KIF5C: variants seen among roughly 807,000 people sequenced by gnomAD.
The protein encoded by KIF5C is kinesin heavy chain isoform 5C.
KIF5C carries 18 observed loss-of-function variants against 125.2 expected under a neutral mutation model. That is an observed-to-expected ratio of 0.14 (90% confidence interval 0.10 to 0.21). KIF5C has a LOEUF of 0.21. Among genes scored for constraint, KIF5C ranks in the 10% least tolerant of loss-of-function variants. The probability of loss-of-function intolerance (pLI) is 1.00; values close to 1 mark genes in which losing one functional copy is unlikely to be tolerated. For missense variants in KIF5C, 780 were observed against 1,183.8 expected (o/e 0.66, Z 5.01); for synonymous variants, 405 against 434.0 (o/e 0.93, Z 0.83).
intron 8 of KIF5C, chr2:148,947,519 C>T (rs1040289589): frequency 3.5e-5 from 7 of 202,066 alleles, no homozygotes; most frequent in Admixed American, 1.1e-4. Context: ...CATGGGCTGA[C>T]GGTGTCCCAT....
At chr2:148,966,546 T>C (rs1312442505) in intron 11 of KIF5C, among the ~76,000 whole-genome samples, 1 of 152,066 alleles carries the variant, frequency 6.6e-6, no homozygotes, top group Non-Finnish European at 1.5e-5. Context: ...TGCCCTGCCT[T>C]ATGTCATTCA....
chr2:149,000,876 T>C, intron 21 of KIF5C, 94 bp downstream of exon 21: 3 of 1,572,010 alleles, frequency 1.9e-6, no homozygotes, highest in Non-Finnish European at 2.6e-6. Flanking sequence ...CATGCACACC[T>C]TTCTGTGTAA....
Position 148,973,545 on chromosome 2 carries a change from CT to C in KIF5C, c.1293+35del. 3 of 1,566,580 alleles carry C rather than the reference CT, an allele frequency of 1.9e-6. No homozygotes were observed. In the South Asian group the frequency reaches 3.6e-5, roughly 19 times the overall value. ...CCAGAGATTCATAGTTCTCATTCTG[CT>C]ACAAAGATGAAAGATGGCAGGTCCC... On this transcript the variant is annotated intron_variant, in intron 12 of 25. Transcript: ENST00000435030.
chr2:149,016,058 G>T (rs1682347430), intron 25 of KIF5C, among the ~76,000 whole-genome samples: 2 of 152,366 alleles, frequency 1.3e-5, no homozygotes, highest in African/African-American at 4.8e-5. Context: ...CAACCTGGGA[G>T]AAAGTGGTTC....
chr2:148,875,575 G>GGCCCCCCCCCCCCCCCCCCCCCCCCC lies in KIF5C; in HGVS notation c.-43_-42insGCCCCCCCCCCCCCCCCCCCCCCCCC. ...TCCTCCCTCGTCGTTCCCGGCCCCGGCCCCCCACCCATCCCCGTGCCCCCT... is the reference window on the plus strand; with the variant it reads ...TCCTCCCTCGTCGTTCCCGGCCCCGGGCCCCCCCCCCCCCCCCCCCCCCCCCCCCCCCACCCATCCCCGTGCCCCCT... On this transcript the variant is annotated 5_prime_UTR_variant, in exon 1 of 26. Transcript: ENST00000435030. The GGCCCCCCCCCCCCCCCCCCCCCCCCC allele has an allele frequency of 1.1e-5, 8 of 699,606 alleles. No individual in the cohort carries two copies. Among genetic ancestry groups the GGCCCCCCCCCCCCCCCCCCCCCCCCC allele is most frequent in the East Asian group, 3.0e-5 (1 of 33,466 alleles). The allele number at this position is 699,606 out of a possible 1,614,324, so 43.3% of individuals were successfully genotyped here. A position where few individuals can be genotyped will look rare whatever the true frequency, so the allele number is the denominator to read the frequency against.
chr2:148,938,586 G>T (rs1682340095), intron 4 of KIF5C, among the ~76,000 whole-genome samples: 2 of 152,268 alleles, frequency 1.3e-5, no homozygotes, highest in Non-Finnish European at 2.9e-5. Flanking sequence ...GGGACTCATT[G>T]GCCCAGCCTA....
At chr2:148,982,618 C>T (rs943454661) in intron 14 of KIF5C, among the ~76,000 whole-genome samples, 2 of 152,182 alleles carry the variant, frequency 1.3e-5, no homozygotes, top group African/African-American at 4.8e-5. Context: ...ATTTTAAAAA[C>T]AAGATGACAT....
chr2:149,018,849 A>G (rs1244913740), intron 25 of KIF5C, among the ~76,000 whole-genome samples: 2 of 151,056 alleles, frequency 1.3e-5, no homozygotes, highest in Admixed American at 1.3e-4. Context: ...AACAAACAAA[A>G]AAGGATCAAT....
chr2:148,974,061 G>T (rs1037442887), intron 12 of KIF5C, among the ~76,000 whole-genome samples: 2 of 152,204 alleles, frequency 1.3e-5, no homozygotes, highest in Admixed American at 6.5e-5. Context: ...GCTAATTGGG[G>T]ATGTCCAATT....
At chr2:148,962,899 A>T (rs1434297941) in intron 11 of KIF5C, among the ~76,000 whole-genome samples, 1 of 152,208 alleles carries the variant, frequency 6.6e-6, no homozygotes, top group East Asian at 1.9e-4. Context: ...GGCTGAACTC[A>T]TCTTCATGCC....
At chr2:148,989,556 C>G (rs1681471508) in intron 15 of KIF5C, among the ~76,000 whole-genome samples, 2 of 152,226 alleles carry the variant, frequency 1.3e-5, no homozygotes, top group African/African-American at 4.8e-5. Flanking sequence ...TTTAAAGAAT[C>G]TCCACACTGT....
intron 16 of KIF5C, among the ~76,000 whole-genome samples, chr2:148,992,544 AATAAG>A (rs987918558): frequency 1.3e-5 from 2 of 152,242 alleles, no homozygotes; most frequent in Non-Finnish European, 2.9e-5. Context: ...TTGATAGACT[AATAAG>A]ATAAAGTTAC....
At chr2:149,013,921 G>A (rs1233883285) in intron 25 of KIF5C, among the ~76,000 whole-genome samples, 1 of 152,068 alleles carries the variant, frequency 6.6e-6, no homozygotes. Flanking sequence ...ACCCATTGTG[G>A]CATTTTTTTT....
intron 25 of KIF5C, among the ~76,000 whole-genome samples, chr2:149,017,497 T>C (rs2105210234): frequency 6.6e-6 from 1 of 152,326 alleles, no homozygotes; most frequent in East Asian, 1.9e-4. Flanking sequence ...CCCAGCTCCC[T>C]CGTTTTGAGA....
At chr2:148,943,888 G>A (rs1682464992) in intron 7 of KIF5C, among the ~76,000 whole-genome samples, 1 of 152,124 alleles carries the variant, frequency 6.6e-6, no homozygotes, top group Non-Finnish European at 1.5e-5. Context: ...ACTTTCATAG[G>A]TGAGCCTATT....
At chr2:148,964,894 C>T (rs569476601) in intron 11 of KIF5C, among the ~76,000 whole-genome samples, 17 of 151,968 alleles carry the variant, frequency 1.1e-4, no homozygotes, top group East Asian at 3.9e-4. Context: ...GACTGCAGGT[C>T]GGAGAGGAGG....
intron 11 of KIF5C, among the ~76,000 whole-genome samples, chr2:148,962,715 A>G (rs746830490): frequency 5.3e-5 from 8 of 152,180 alleles, no homozygotes; most frequent in Non-Finnish European, 1.0e-4. Flanking sequence ...GATGCACTCT[A>G]TCTAATATTG....
At chr2:149,020,900 C>T (rs923365492) in intron 25 of KIF5C, among the ~76,000 whole-genome samples, 3 of 152,174 alleles carry the variant, frequency 2.0e-5, no homozygotes, top group African/African-American at 7.2e-5. Flanking sequence ...AGGCCATGTT[C>T]TTCCCAAAGA....
intron 8 of KIF5C, among the ~76,000 whole-genome samples, chr2:148,947,712 C>T (rs1391956359): frequency 6.6e-6 from 1 of 152,244 alleles, no homozygotes; most frequent in Non-Finnish European, 1.5e-5. Context: ...AGTCTCACTT[C>T]CATAGCACCA....
Sources: gnomAD v4.1 joint callset for allele counts (sites outside exome capture counted in the v4.1 genomes callset) on GRCh38, gnomAD v4.1.1 for gene constraint, MANE v1.5 for transcripts, NCBI Gene and HGNC (gene_info 2026-07-23, HGNC 2026-07-21) for gene names.